The following KAZN variants were observed in gnomAD, a reference collection of about 807,000 sequenced individuals.
KAZN encodes the protein kazrin.
In KAZN, 40 loss-of-function variants were observed where a neutral mutation model predicts 87.4. That is an observed-to-expected ratio of 0.46 (90% CI 0.36 to 0.60). The LOEUF (loss-of-function observed/expected upper bound fraction) is 0.60. KAZN is among the 20% of genes least tolerant of loss of function. The pLI is 0.00. For missense variants in KAZN, 898 were observed against 1,073.9 expected, an observed-to-expected ratio of 0.84 and a Z score of 2.29; for synonymous variants, 466 against 458.3, an observed-to-expected ratio of 1.02 and a Z score of -0.22.
intron 1 of KAZN, among the ~76,000 whole-genome samples, chr1:14,169,856 A>T (rs1397047303): frequency 6.6e-6 from 1 of 152,196 alleles, no homozygotes; most frequent in African/African-American, 2.4e-5. Flanking sequence ...ATACCCAAGA[A>T]GATGAAGTCA....
intron 1 of KAZN, among the ~76,000 whole-genome samples, chr1:14,605,538 A>ATT (rs897780868): frequency 6.6e-6 from 1 of 152,236 alleles, no homozygotes; most frequent in African/African-American, 2.4e-5. Context: ...TGTATTATGT[A>ATT]TTTTATAATT....
intron 1 of KAZN, among the ~76,000 whole-genome samples, chr1:14,775,597 G>A (rs529348267): frequency 6.6e-6 from 1 of 152,330 alleles, no homozygotes; most frequent in Non-Finnish European, 1.5e-5. Context: ...GAGGAAGGTG[G>A]CTCCGAGGGG....
At chr1:14,870,547 G>A (rs1052177167) in intron 1 of KAZN, among the ~76,000 whole-genome samples, 5 of 152,092 alleles carry the variant, frequency 3.3e-5, no homozygotes, top group Non-Finnish European at 7.3e-5. Flanking sequence ...CTCCATGTTG[G>A]CCAGGCTACT....
chr1:14,519,242 A>T (rs951308053), intron 2 of KAZN, among the ~76,000 whole-genome samples: 3 of 152,176 alleles, frequency 2.0e-5, no homozygotes, highest in Admixed American at 2.0e-4. Flanking sequence ...AGGCAAGGAG[A>T]GGAGGGCCCA....
At chr1:14,086,594 A>T (rs1161616296) in intron 1 of KAZN, among the ~76,000 whole-genome samples, 1 of 152,226 alleles carries the variant, frequency 6.6e-6, no homozygotes, top group East Asian at 1.9e-4. Flanking sequence ...TTAAGTTTTT[A>T]AGTTCTAAAG....
chr1:14,000,262 C>T (rs1412278053), intron 1 of KAZN, among the ~76,000 whole-genome samples: 1 of 152,166 alleles, frequency 6.6e-6, no homozygotes, highest in African/African-American at 2.4e-5. Context: ...AACTTCAGGC[C>T]AATATCCCTG....
intron 2 of KAZN, among the ~76,000 whole-genome samples, chr1:14,392,488 G>A (rs576962770): frequency 2.0e-5 from 3 of 152,224 alleles, no homozygotes; most frequent in Admixed American, 6.5e-5. Flanking sequence ...AGACCCTGTG[G>A]AGGGTGCTGG....
At position 15,063,636 on chromosome 1, in the gene KAZN, C is replaced by T. The variant is rs1357836254; in HGVS notation, c.1098+14C>T. The T allele has an allele frequency of 1.2e-6, 2 of 1,609,016 alleles. No individual in the cohort carries two copies. Among genetic ancestry groups the T allele is most frequent in the South Asian group, 2.2e-5 (2 of 90,988 alleles). Reference sequence around the variant, plus strand: ...CCTATTGTACAGGTAGGTGTGCCCTCCCTGGCCACTTGAACCCTCCCTCCA... The same window carrying T: ...CCTATTGTACAGGTAGGTGTGCCCTTCCTGGCCACTTGAACCCTCCCTCCA... On this transcript the variant is annotated intron_variant, in intron 7 of 14. Coordinates refer to ENST00000376030, the MANE Select transcript of KAZN (RefSeq NM_201628.3).
At chr1:13,894,734 C>T (rs544883127) in intron 1 of KAZN, among the ~76,000 whole-genome samples, 17 of 152,288 alleles carry the variant, frequency 1.1e-4, no homozygotes, top group African/African-American at 3.4e-4. Flanking sequence ...ACTGCACCCC[C>T]CTTCCTGGGG....
At chr1:13,893,653 C>T (rs1452963870) in exon 1 of KAZN, 63 of 1,550,170 alleles carry the variant, frequency 4.1e-5, no homozygotes, top group Non-Finnish European at 5.2e-5. Flanking sequence ...ACACCAAAGA[C>T]CCCAAAAGAG....
intron 2 of KAZN, among the ~76,000 whole-genome samples, chr1:14,564,572 G>A (rs1328106643): frequency 2.0e-5 from 3 of 151,828 alleles, no homozygotes; most frequent in African/African-American, 4.8e-5. Flanking sequence ...TTAGGAGGCC[G>A]AGGTGCGTGG....
intron 13 of KAZN, among the ~76,000 whole-genome samples, chr1:15,108,631 G>A (rs1289136564): frequency 6.6e-6 from 1 of 152,126 alleles, no homozygotes; most frequent in Non-Finnish European, 1.5e-5. Context: ...GTGCCTCTCT[G>A]CCCTTGTAAA....
chr1:13,931,453 T>TGTGTGTGTGTGTGCATGC (rs1640507378), intron 1 of KAZN, among the ~76,000 whole-genome samples: 1 of 151,160 alleles, frequency 6.6e-6, no homozygotes, highest in African/African-American at 2.4e-5. Context: ...GAGGGGTGTG[T>TGTGTGTGTGTGTGCATGC]GTGTGTGTGT....
intron 2 of KAZN, among the ~76,000 whole-genome samples, chr1:14,440,003 C>CT (rs1175534048): frequency 2.6e-5 from 4 of 152,096 alleles, no homozygotes; most frequent in African/African-American, 9.7e-5. Context: ...TCTGGCTCTA[C>CT]TTTTTTCTTT....
At chr1:14,164,835 G>A (rs1172111965) in intron 1 of KAZN, among the ~76,000 whole-genome samples, 3 of 152,044 alleles carry the variant, frequency 2.0e-5, no homozygotes, top group African/African-American at 7.2e-5. Context: ...CACCGTGCCC[G>A]GCCAAGTTTC....
chr1:14,070,603 G>T (rs1295751313), intron 1 of KAZN, among the ~76,000 whole-genome samples: 2 of 152,052 alleles, frequency 1.3e-5, no homozygotes, highest in Non-Finnish European at 1.5e-5. Context: ...ATTGTTGAGA[G>T]AAATAATGTC....
chr1:14,209,305 T>G (rs1646806322), intron 2 of KAZN, among the ~76,000 whole-genome samples: 1 of 152,322 alleles, frequency 6.6e-6, no homozygotes, highest in African/African-American at 2.4e-5. Flanking sequence ...GTTAGGTGAC[T>G]TACTCGCTAC....
intron 2 of KAZN, among the ~76,000 whole-genome samples, chr1:14,543,263 G>C (rs1557788522): frequency 6.6e-6 from 1 of 152,196 alleles, no homozygotes; most frequent in Non-Finnish European, 1.5e-5. Context: ...TGGTTGGCTG[G>C]AGATATTGAA....
At chr1:15,005,434 CA>C (rs765962470) in intron 2 of KAZN, among the ~76,000 whole-genome samples, 5 of 152,144 alleles carry the variant, frequency 3.3e-5, no homozygotes, top group Non-Finnish European at 7.3e-5. Context: ...CCAGGTTAGC[CA>C]GAATTGTGCC....
Sources: gnomAD v4.1 joint callset for allele counts (sites outside exome capture counted in the v4.1 genomes callset) on GRCh38, gnomAD v4.1.1 for gene constraint, MANE v1.5 for transcripts, NCBI Gene and HGNC (gene_info 2026-07-23, HGNC 2026-07-21) for gene names.